MGAM: variants seen among roughly 807,000 people sequenced by gnomAD.
MGAM encodes maltase-glucoamylase.
A neutral mutation model predicts 358.8 loss-of-function variants in MGAM; 253 were observed. The observed-to-expected ratio is 0.71, with a 90% CI of 0.64 to 0.78. The LOEUF is 0.78. Among genes scored for constraint, MGAM ranks in the 30% least tolerant of loss-of-function variants. The probability of loss-of-function intolerance (pLI) is 0.00; values close to 1 mark genes in which losing one functional copy is unlikely to be tolerated. For synonymous variants in MGAM, 1,105 were observed against 1,227.1 expected, an observed-to-expected ratio of 0.90 and a Z score of 2.08; for missense variants, 3,080 against 3,432.6, an observed-to-expected ratio of 0.90 and a Z score of 2.57.
intron 40 of MGAM, 112 bp downstream of exon 40, chr7:142,065,943 G>GT (rs1288283027): frequency 0.046 from 28,746 of 619,914 alleles, 52 homozygotes; most frequent in Non-Finnish European, 0.054. Context: ...AAAAAAAGGT[G>GT]TTTTTTTTTG....
rs768722066 is a variant in MGAM, at chr7:142,094,757, A to G, written c.7352A>G (p.Asp2451Gly). Residue 2451 changes from aspartate to glycine, a missense_variant, in exon 63 of 71, where the codon GAT (aspartate) becomes GGT (glycine). Asp to Gly is a moderately conservative substitution (Grantham distance 94). Coordinates refer to ENST00000475668, the MANE Select transcript of MGAM (RefSeq NM_001365693.1). ...SLFGISYTGADICGFFQDAEY... is the reference protein window; with the variant it reads ...SLFGISYTGAGICGFFQDAEY... ...TTCCTCTTGTTTCAGACGGGAGCAGATATCTGTGGGTTCTTTCAAGATGCT... is the reference window on the plus strand; with the variant it reads ...TTCCTCTTGTTTCAGACGGGAGCAGGTATCTGTGGGTTCTTTCAAGATGCT... The G allele has an allele frequency of 6.2e-7, 1 of 1,613,760 alleles. No homozygotes were observed. The highest frequency in any genetic ancestry group is 1.1e-5 in the South Asian group (1 of 91,066).
Position 142,078,891 on chromosome 7 carries a change from G to T in MGAM, c.5730G>T (p.Gly1910=). 2.6e-6 allele frequency: 4 copies of T among 1,555,006 alleles called. No homozygotes were observed. Among genetic ancestry groups the T allele is most frequent in the Non-Finnish European group, 3.5e-6 (4 of 1,131,856 alleles). ...GTGATGTTCAGTATAACTCCCATGG[G>T]GCCACAGCTGACATCTCCTTAAAGT... ...SVSDVQYNSH[G]ATADISLKSS... is the part of the protein sequence containing the mutation. The change falls in exon 49 of 71, where the codon GGG becomes GGT. Residue 1910 remains glycine (G), a synonymous_variant. Transcript: ENST00000475668.
At position 142,005,492 on chromosome 7, in the gene MGAM, A is replaced by G. The variant is rs78518439; in HGVS notation, c.-2-37A>G. 4.5e-3 allele frequency: 6,367 copies of G among 1,422,770 alleles called. 190 individuals carry two copies. In the South Asian group the frequency reaches 0.057, roughly 13 times the overall value. The allele number at this position is 1,422,770 out of a possible 1,614,324, so 88.1% of individuals were successfully genotyped here. Reference sequence around the variant, plus strand: ...AATCTTACTAGTTATATAGTAAATCAAATTCAAATCTAAAATTGTTTTCTC... The same window carrying G: ...AATCTTACTAGTTATATAGTAAATCGAATTCAAATCTAAAATTGTTTTCTC... On this transcript the variant is annotated intron_variant, in intron 1 of 70. Coordinates refer to ENST00000475668, the MANE Select transcript of MGAM (RefSeq NM_001365693.1).
intron 2 of MGAM, among the ~76,000 whole-genome samples, chr7:142,006,353 GAGA>G (rs780683727): frequency 6.6e-6 from 1 of 152,098 alleles, no homozygotes; most frequent in Non-Finnish European, 1.5e-5. Flanking sequence ...TGTGGTGGTG[GAGA>G]AGGACTCTCC....
intron 10 of MGAM, among the ~76,000 whole-genome samples, chr7:142,030,053 T>C (rs1554462748): frequency 6.6e-6 from 1 of 152,152 alleles, no homozygotes; most frequent in East Asian, 1.9e-4. Flanking sequence ...ATATGTCTGA[T>C]TGTCTTAGGG....
chr7:142,081,536 G>C lies in MGAM; in HGVS notation c.6003-506G>C, dbSNP rs1814286781. Among the ~76,000 whole-genome samples the C allele has an allele frequency of 2.1e-5, 3 of 146,058 alleles. 1 individual carries two copies. The Admixed American group carries it at 2.1e-4, about 10-fold the overall frequency. ...GCATGCTAAAGAAAAGAAGTCTAGT[G>C]TGGTTGGAGCAATGGAGGAAGTAAG... On this transcript the variant is annotated intron_variant, in intron 50 of 70. Coordinates refer to ENST00000475668, the MANE Select transcript of MGAM (RefSeq NM_001365693.1).
intron 21 of MGAM, among the ~76,000 whole-genome samples, chr7:142,044,640 AATAT>A (rs1809779630): frequency 2.4e-5 from 2 of 84,628 alleles, no homozygotes; most frequent in African/African-American, 7.2e-5. Context: ...ATACACGTGT[AATAT>A]ATGATATATA....
In MGAM at chr7:142,099,640, T is replaced by C. The variant is rs766319661; in HGVS notation, c.7777T>C (p.Trp2593Arg). ...TGTGGATATTAATGCAAGAGGAGAG[T>C]GGAAGACCTTGCCAGCCCCTCTTGA... Reference protein sequence around the residue: ...TGVDINARGEWKTLPAPLDHI... With the variant: ...TGVDINARGERKTLPAPLDHI... The change falls in exon 67 of 71, where the codon TGG (tryptophan) becomes CGG (arginine). Residue 2593 changes from tryptophan to arginine, a missense_variant. Coordinates refer to ENST00000475668, the MANE Select transcript of MGAM (RefSeq NM_001365693.1). The C allele has an allele frequency of 6.2e-7, 1 of 1,613,824 alleles. No individual in the cohort carries two copies. Among genetic ancestry groups the C allele is most frequent in the Admixed American group, 1.7e-5 (1 of 60,002 alleles).
chr7:142,030,204 C>A, intron 10 of MGAM, 158 bp from the exon 11 acceptor site: 7 of 787,088 alleles, frequency 8.9e-6, no homozygotes, highest in East Asian at 3.0e-5. Context: ...TTGAAATCAA[C>A]ATTGGAAAAG....
chr7:142,006,420 C>T (rs1380316570), intron 2 of MGAM, among the ~76,000 whole-genome samples: 4 of 152,074 alleles, frequency 2.6e-5, no homozygotes, highest in Admixed American at 1.3e-4. Context: ...TTTCTCAAAG[C>T]ACTCTCATGA....
intron 21 of MGAM, among the ~76,000 whole-genome samples, chr7:142,047,079 G>C (rs1300045044): frequency 6.6e-6 from 1 of 152,156 alleles, no homozygotes; most frequent in Admixed American, 6.6e-5. Context: ...TATGAGACCA[G>C]TGACAGAGGA....
chr7:142,076,971 C>CT (rs1176754197), intron 47 of MGAM, 145 bp downstream of exon 47: 8 of 930,126 alleles, frequency 8.6e-6, no homozygotes, highest in Middle Eastern at 2.2e-4. Flanking sequence ...CCTTTGATGC[C>CT]TTTTTTGGGG....
Position 142,031,707 on chromosome 7 carries a change from G to T in MGAM, c.1498G>T (p.Asp500Tyr). The T allele has an allele frequency of 6.2e-7, 1 of 1,613,108 alleles. No homozygotes were observed. The highest frequency in any genetic ancestry group is 1.1e-5 in the South Asian group (1 of 91,048). Residue 500 changes from aspartate (D) to tyrosine (Y), a missense_variant, in exon 13 of 71, where the codon GAT becomes TAT. Around this residue, in one of 5 missense-constraint regions of MGAM, gnomAD observed 1,816 missense variants for 1,840.5 expected, o/e 0.99. Transcript: ENST00000475668. ...EVWPGQTVFPDYTNPNCAVWW... is the reference protein window; with the variant it reads ...EVWPGQTVFPYYTNPNCAVWW... ...CTGGCCTGGACAAACTGTGTTTCCT[G>T]ATTATACCAATCCCAACTGTGCTGT...
intron 26 of MGAM, 103 bp from the exon 27 acceptor site, chr7:142,054,651 A>C: frequency 8.1e-7 from 1 of 1,231,000 alleles, no homozygotes; most frequent in Non-Finnish European, 1.1e-6. Context: ...AGAAGATAGA[A>C]ACATAGCATC....
rs1283708069 is a variant in MGAM at position 142,088,721 on chromosome 7, A to ATGTCTGTCTGTCTGTC, written c.6810+2018_6810+2033dup. Among the ~76,000 whole-genome samples, 43 of 118,718 alleles carry ATGTCTGTCTGTCTGTC rather than the reference A, an allele frequency of 3.6e-4. 2 individuals are homozygous for ATGTCTGTCTGTCTGTC. The highest frequency in any genetic ancestry group is 1.3e-3 in the African/African-American group (43 of 32,258). The allele number at this position is 118,718 out of a possible 152,430, so 77.9% of individuals were successfully genotyped here. A position where few individuals can be genotyped will look rare whatever the true frequency, so the allele number is the denominator to read the frequency against. ...ATCCATCCAGCCACCCTATTCATTT[A>ATGTCTGTCTGTCTGTC]TGTCTGTCTGTCTGTCTGTCTGTCT... On this transcript the variant is annotated intron_variant, in intron 57 of 70. Coordinates refer to ENST00000475668, the MANE Select transcript of MGAM (RefSeq NM_001365693.1).
intron 69 of MGAM, among the ~76,000 whole-genome samples, chr7:142,103,007 A>C (rs780732584): frequency 2.6e-5 from 4 of 152,206 alleles, no homozygotes; most frequent in African/African-American, 4.8e-5. Context: ...GTAGAATATA[A>C]GTATCTTAAC....
At chr7:142,050,971 A>T (rs763138861) in intron 24 of MGAM, 107 bp downstream of exon 24, 13 of 1,476,084 alleles carry the variant, frequency 8.8e-6, no homozygotes, top group Admixed American at 1.9e-5. Context: ...GGCACCTTTG[A>T]GGCCTGTTTT....
At chr7:142,094,549 C>G in intron 61 of MGAM, 52 bp downstream of exon 61, 1 of 1,556,808 alleles carries the variant, frequency 6.4e-7, no homozygotes, top group Non-Finnish European at 8.8e-7. Flanking sequence ...AGTTGGGATC[C>G]TTGGGGAAGA....
Position 142,067,988 on chromosome 7 carries a change from T to A in MGAM, c.5004+563T>A, listed in dbSNP as rs949074392. On this transcript the variant is annotated intron_variant, in intron 42 of 70. Transcript: ENST00000475668. ...TAAATATATATATATATATATATAT[T>A]TTTTTTTTTTTTTTTTTGAGACAGA... is the stretch of plus-strand genomic sequence containing the variant. Among the ~76,000 whole-genome samples the A allele has an allele frequency of 4.7e-3, 52 of 11,152 alleles. 2 individuals are homozygous for A. Among genetic ancestry groups the A allele is most frequent in the East Asian group, 0.018 (2 of 112 alleles). 7.3% of individuals were successfully genotyped at this position (11,152 alleles called of 152,430 possible). A position where few individuals can be genotyped will look rare whatever the true frequency, so the allele number is the denominator to read the frequency against.
Sources: allele counts gnomAD v4.1 joint callset (sites outside exome capture counted in the v4.1 genomes callset), GRCh38; gene constraint gnomAD v4.1.1; regional missense constraint gnomAD v4.1.1; transcripts MANE v1.5; gene names NCBI Gene and HGNC (gene_info 2026-07-23, HGNC 2026-07-21).